Variants in CHD9 observed in about 807,000 individuals in gnomAD.
CHD9 encodes the protein ATP-dependent chromatin remodeler CHD9.
In CHD9, 77 loss-of-function variants were observed where a neutral mutation model predicts 316.1. That is an observed-to-expected ratio of 0.24 (90% CI 0.20 to 0.29). The LOEUF (loss-of-function observed/expected upper bound fraction) is 0.29, where lower values mean the gene tolerates loss of function less well. CHD9 is among the 10% of genes least tolerant of loss of function. CHD9 has a pLI of 1.00. For synonymous variants in CHD9, 1,129 were observed against 1,158.3 expected, an observed-to-expected ratio of 0.97 and a Z score of 0.51; for missense variants, 2,763 against 3,438.1, an observed-to-expected ratio of 0.80 and a Z score of 4.91.
chr16:53,211,665 T>G (rs534502655), intron 3 of CHD9, among the ~76,000 whole-genome samples: 1 of 152,282 alleles, frequency 6.6e-6, no homozygotes, highest in Non-Finnish European at 1.5e-5. Flanking sequence ...AATTTATAAG[T>G]CGCAGGCAGA....
chr16:53,069,498 T>C (rs1305363477), intron 1 of CHD9, among the ~76,000 whole-genome samples: 1 of 152,224 alleles, frequency 6.6e-6, no homozygotes, highest in African/African-American at 2.4e-5. Flanking sequence ...CTACTCTGGG[T>C]ACCTCATCTA....
chr16:53,129,587 G>A (rs955512414), intron 1 of CHD9, among the ~76,000 whole-genome samples: 1 of 152,204 alleles, frequency 6.6e-6, no homozygotes, highest in Non-Finnish European at 1.5e-5. Flanking sequence ...ATTCCATTCT[G>A]GCTAGGCATA....
intron 1 of CHD9, among the ~76,000 whole-genome samples, chr16:53,085,266 A>T (rs770324754): frequency 1.3e-5 from 2 of 149,764 alleles, no homozygotes; most frequent in Non-Finnish European, 3.0e-5. Context: ...TTTAGAGATG[A>T]GGTCTTGCTA....
intron 1 of CHD9, among the ~76,000 whole-genome samples, chr16:53,132,894 T>C (rs1567355427): frequency 1.4e-5 from 2 of 145,328 alleles, no homozygotes; most frequent in Non-Finnish European, 3.0e-5. Context: ...CTGCAACCTC[T>C]TCCTCCCAGG....
intron 1 of CHD9, among the ~76,000 whole-genome samples, chr16:53,060,028 A>G (rs1280689203): frequency 6.6e-6 from 1 of 152,154 alleles, no homozygotes; most frequent in Non-Finnish European, 1.5e-5. Context: ...TATTCTTTAA[A>G]CATTTTTTTC....
At chr16:53,171,881 C>G (rs867163550) in intron 2 of CHD9, among the ~76,000 whole-genome samples, 39 of 138,952 alleles carry the variant, frequency 2.8e-4, no homozygotes, top group African/African-American at 1.2e-3. Flanking sequence ...CACACACACA[C>G]ACACACACAC....
chr16:53,125,604 T>G (rs2038938895), intron 1 of CHD9, among the ~76,000 whole-genome samples: 1 of 152,122 alleles, frequency 6.6e-6, no homozygotes, highest in Admixed American at 6.6e-5. Flanking sequence ...GTACTTTGAA[T>G]TTTGAATTTT....
chr16:53,068,589 C>G (rs956225798), intron 1 of CHD9, among the ~76,000 whole-genome samples: 1 of 152,182 alleles, frequency 6.6e-6, no homozygotes, highest in Non-Finnish European at 1.5e-5. Context: ...GTCCTCTCTC[C>G]TCCTGGGAAC....
chr16:53,245,408 C>T lies in CHD9; in HGVS notation c.3127C>T (p.Leu1043Phe). The change falls in exon 14 of 39, where the codon CTT becomes TTT. Residue 1043 changes from leucine to phenylalanine, a missense_variant. Around this residue, in one of 15 missense-constraint regions of CHD9, gnomAD observed 155 missense variants for 291.8 expected, o/e 0.53. Coordinates refer to ENST00000447540, the MANE Select transcript of CHD9 (RefSeq NM_001308319.2). This position sits in a 1 kb window ranked among gnomAD's most constrained non-coding sequence, Gnocchi z 4.1. ...AGAACTATTTAGTCTTCTTCACTTT[C>T]TTGAACCCTTAAGGTTTCCTTCTGA... ...VEELFSLLHFLEPLRFPSEST... is the reference protein window; with the variant it reads ...VEELFSLLHFFEPLRFPSEST... 1 of 1,603,770 alleles carries T rather than the reference C, an allele frequency of 6.2e-7. No individual in the cohort carries two copies. Among genetic ancestry groups the T allele is most frequent in the Non-Finnish European group, 8.5e-7 (1 of 1,175,702 alleles).
intron 2 of CHD9, among the ~76,000 whole-genome samples, chr16:53,173,668 C>A (rs894021303): frequency 3.3e-5 from 5 of 152,026 alleles, no homozygotes; most frequent in African/African-American, 1.2e-4. Flanking sequence ...CCTCAGCCTC[C>A]AGAGTAGCTG....
rs934728274 is a variant in CHD9, at chr16:53,148,652, T to C, written c.-164-7274T>C. The stretch of plus-strand genomic sequence containing the variant: ...CATTCCTGTATCTTTTTTGATGAAA[T>C]ATCGAATGAAGTTCTTTGCCCATTT... On this transcript the variant is annotated intron_variant, in intron 1 of 38. Coordinates refer to ENST00000447540, the MANE Select transcript of CHD9 (RefSeq NM_001308319.2). Among the ~76,000 whole-genome samples the C allele has an allele frequency of 3.9e-5, 6 of 152,260 alleles. No individual in the cohort carries two copies. The South Asian group carries it at 1.2e-3, about 31-fold the overall frequency.
chr16:53,299,060 T>C (rs932914563), intron 30 of CHD9: 3 of 184,342 alleles, frequency 1.6e-5, no homozygotes, highest in Admixed American at 5.3e-5. Context: ...AACCAGGTGG[T>C]GCTGCTACAG....
Position 53,156,618 on chromosome 16 carries a change from C to G in CHD9, c.529C>G (p.Leu177Val), listed in dbSNP as rs769648443. 1 of 1,613,962 alleles carries G rather than the reference C, an allele frequency of 6.2e-7. No individual in the cohort carries two copies. The highest frequency in any genetic ancestry group is 8.5e-7 in the Non-Finnish European group (1 of 1,179,870). Residue 177 changes from leucine to valine, a missense_variant, in exon 2 of 39, where the codon CTA becomes GTA. Physicochemically the swap from Leu to Val is conservative, Grantham distance 32. Coordinates refer to ENST00000447540, the MANE Select transcript of CHD9 (RefSeq NM_001308319.2). ...TGAACAACAAACACAGTGTACTTCACTACGCTCACAACAAAACAGAAATAA... is the reference window on the plus strand; with the variant it reads ...TGAACAACAAACACAGTGTACTTCAGTACGCTCACAACAAAACAGAAATAA... ...ANEQQTQCTS[L>V]RSQQNRNNLN...
chr16:53,099,751 A>T (rs2036682025), intron 1 of CHD9, among the ~76,000 whole-genome samples: 1 of 151,890 alleles, frequency 6.6e-6, no homozygotes, highest in Admixed American at 6.5e-5. Flanking sequence ...GAGCACCTTG[A>T]CCTATATTCC....
intron 1 of CHD9, among the ~76,000 whole-genome samples, chr16:53,117,221 C>T (rs1431271080): frequency 1.3e-5 from 2 of 151,668 alleles, no homozygotes; most frequent in East Asian, 1.9e-4. Flanking sequence ...ACATGTACCC[C>T]AGAACTTAAA....
intron 1 of CHD9, among the ~76,000 whole-genome samples, chr16:53,120,416 C>G (rs1030898099): frequency 6.6e-6 from 1 of 150,382 alleles, no homozygotes; most frequent in Non-Finnish European, 1.5e-5. Context: ...GAGTTTGAGA[C>G]CAGCTTGATC....
intron 1 of CHD9, among the ~76,000 whole-genome samples, chr16:53,081,128 G>C (rs1779960544): frequency 6.6e-6 from 1 of 152,198 alleles, no homozygotes; most frequent in African/African-American, 2.4e-5. Flanking sequence ...AGTGTTTAGA[G>C]AGAAGATTTG....
chr16:53,073,712 G>A (rs2034290657), intron 1 of CHD9, among the ~76,000 whole-genome samples: 1 of 152,148 alleles, frequency 6.6e-6, no homozygotes, highest in Non-Finnish European at 1.5e-5. Context: ...TTTTGCTTTT[G>A]CATCTTTCTC....
At chr16:53,122,692 G>A (rs2038794811) in intron 1 of CHD9, among the ~76,000 whole-genome samples, 1 of 151,534 alleles carries the variant, frequency 6.6e-6, no homozygotes, top group South Asian at 2.1e-4. Flanking sequence ...TTACAGGTGT[G>A]CACCACCACA....
Sources: allele counts gnomAD v4.1 joint callset (sites outside exome capture counted in the v4.1 genomes callset), GRCh38; gene constraint gnomAD v4.1.1; regional missense constraint gnomAD v4.1.1; non-coding constraint Gnocchi (gnomAD v3.1); transcripts MANE v1.5; gene names NCBI Gene and HGNC (gene_info 2026-07-23, HGNC 2026-07-21).